Variants in PCDHGA8 observed in about 807,000 individuals in gnomAD.
PCDHGA8 encodes the protein protocadherin gamma-A8.
In PCDHGA8, 45 loss-of-function variants were observed where a neutral mutation model predicts 59.2. The ratio of observed to expected loss-of-function variants is 0.76; its 90% confidence interval spans 0.60 to 0.98. The LOEUF is 0.98. Among genes scored for constraint, PCDHGA8 ranks in the 50% least tolerant of loss-of-function variants. The probability of loss-of-function intolerance (pLI) is 0.00; values close to 1 mark genes in which losing one functional copy is unlikely to be tolerated. For synonymous variants in PCDHGA8, 531 were observed against 519.0 expected (o/e 1.02, Z -0.32); for missense variants, 1,257 against 1,196.2 (o/e 1.05, Z -0.75).
chr5:141,414,040 C>T, intron 1 of PCDHGA8: 2 of 1,611,438 alleles, frequency 1.2e-6, no homozygotes, highest in Non-Finnish European at 1.7e-6. Context: ...CCGAAAATTA[C>T]CTGACACGCA....
In PCDHGA8 at chr5:141,486,708, C is replaced by A; in HGVS notation, c.2425-8099C>A. On this transcript the variant is annotated intron_variant, in intron 1 of 3. Transcript: ENST00000398604. The surrounding 1 kb of genome is among the most constrained non-coding windows in gnomAD (Gnocchi z 5.0). ...GCTTCCTCTTTCATCTCTCTGAACC[C>A]CCAGACAGGAGCTGTTCATGCTACT... is the stretch of plus-strand genomic sequence containing the variant. 6.2e-7 allele frequency: 1 copy of A among 1,614,180 alleles called. No individual in the cohort carries two copies. Among genetic ancestry groups the A allele is most frequent in the South Asian group, 1.1e-5 (1 of 91,084 alleles).
In PCDHGA8 at chr5:141,432,278, A is replaced by G. The variant is rs923930127; in HGVS notation, c.2424+37041A>G. On this transcript the variant is annotated intron_variant, in intron 1 of 3. Transcript: ENST00000398604. The surrounding 1 kb of genome is among the most constrained non-coding windows in gnomAD (Gnocchi z 6.0). ...GGCAAGCCTATCGTCCTACGTGTCC[A>G]TCAACTCCGACACTGGGGTACTGTA... 3.7e-5 allele frequency: 59 copies of G among 1,614,078 alleles called. No individual in the cohort carries two copies. Among genetic ancestry groups the G allele is most frequent in the Non-Finnish European group, 4.7e-5 (55 of 1,180,036 alleles).
chr5:141,428,305 G>T (rs751498223), intron 1 of PCDHGA8: 8 of 694,348 alleles, frequency 1.2e-5, no homozygotes. Flanking sequence ...GATTTACCTG[G>T]TCGTGGCCTT....
Position 141,489,826 on chromosome 5 carries a change from C to T in PCDHGA8, c.2425-4981C>T, listed in dbSNP as rs1270077118. 1 of 1,614,186 alleles carries T rather than the reference C, an allele frequency of 6.2e-7. No individual in the cohort carries two copies. The highest frequency in any genetic ancestry group is 1.7e-5 in the Admixed American group (1 of 60,028). On this transcript the variant is annotated intron_variant, in intron 1 of 3. Coordinates refer to ENST00000398604, the MANE Select transcript of PCDHGA8 (RefSeq NM_032088.2). The surrounding 1 kb of genome is among the most constrained non-coding windows in gnomAD (Gnocchi z 4.5). ...TGGGAAGCCATTCCCAGAGCTGGTGCTAGAGCAGCAGCTGGATCGTGAAGC... is the reference window on the plus strand; with the variant it reads ...TGGGAAGCCATTCCCAGAGCTGGTGTTAGAGCAGCAGCTGGATCGTGAAGC...
In PCDHGA8 at chr5:141,485,818, C is replaced by T; in HGVS notation, c.2425-8989C>T. 6 of 1,613,912 alleles carry T rather than the reference C, an allele frequency of 3.7e-6. No homozygotes were observed. The highest frequency in any genetic ancestry group is 5.1e-6 in the Non-Finnish European group (6 of 1,179,974). On this transcript the variant is annotated intron_variant, in intron 1 of 3. Transcript: ENST00000398604. This position sits in a 1 kb window ranked among gnomAD's most constrained non-coding sequence, Gnocchi z 5.7. ...ACTACCGCCTGGTGCTGACTGCTGTCGATGGAGGGAACCCGCCGAGATCTG... is the reference window on the plus strand; with the variant it reads ...ACTACCGCCTGGTGCTGACTGCTGTTGATGGAGGGAACCCGCCGAGATCTG...
intron 1 of PCDHGA8, chr5:141,409,714 CG>C: frequency 6.2e-7 from 1 of 1,613,226 alleles, no homozygotes; most frequent in Non-Finnish European, 8.5e-7. Flanking sequence ...TGTCGTCATA[CG>C]TGTCAGTGAG....
At chr5:141,471,942 A>G (rs1163887457) in intron 1 of PCDHGA8, among the ~76,000 whole-genome samples, 1 of 152,192 alleles carries the variant, frequency 6.6e-6, no homozygotes, top group Non-Finnish European at 1.5e-5. Flanking sequence ...AGAGTTTTCT[A>G]AAACTGGATT....
At chr5:141,506,682 C>T (rs1333272766) in intron 3 of PCDHGA8, among the ~76,000 whole-genome samples, 4 of 152,192 alleles carry the variant, frequency 2.6e-5, no homozygotes, top group African/African-American at 9.6e-5. Context: ...ATATTATTAT[C>T]TTTGCTGACC....
rs946434728 is a variant in PCDHGA8, at chr5:141,428,357, C to A, written c.2424+33120C>A. On this transcript the variant is annotated intron_variant, in intron 1 of 3. Coordinates refer to ENST00000398604, the MANE Select transcript of PCDHGA8 (RefSeq NM_032088.2). ...CTCTTCTTCCTCGCAGTGATTTTGG[C>A]GGTCGCCTTGCACCTGCGATGCTCT... is the stretch of plus-strand genomic sequence containing the variant. The A allele has an allele frequency of 1.2e-5, 7 of 565,506 alleles. No individual in the cohort carries two copies. The East Asian group carries it at 2.0e-4, about 16-fold the overall frequency. The allele number at this position is 565,506 out of a possible 1,614,324, so 35.0% of individuals were successfully genotyped here.
intron 1 of PCDHGA8, among the ~76,000 whole-genome samples, chr5:141,458,236 C>T (rs6874378): frequency 0.18 from 27,546 of 152,106 alleles, 2,658 homozygotes; most frequent in Admixed American, 0.28. Flanking sequence ...AGTCCATGCA[C>T]CAAAATGATA....
At position 141,421,672 on chromosome 5, in the gene PCDHGA8, C is replaced by T; in HGVS notation, c.2424+26435C>T. On this transcript the variant is annotated intron_variant, in intron 1 of 3. Coordinates refer to ENST00000398604, the MANE Select transcript of PCDHGA8 (RefSeq NM_032088.2). Reference sequence around the variant, plus strand: ...GATAAAAGTCAGTGAGCACGCAATTCCTGGGGCGCGATTTGCTCTTCCTAA... The same window carrying T: ...GATAAAAGTCAGTGAGCACGCAATTTCTGGGGCGCGATTTGCTCTTCCTAA... 4 of 1,613,862 alleles carry T rather than the reference C, an allele frequency of 2.5e-6. No individual in the cohort carries two copies. The highest frequency in any genetic ancestry group is 1.6e-4 in the Middle Eastern group (1 of 6,062).
At position 141,404,686 on chromosome 5, in the gene PCDHGA8, A is replaced by G. The variant is rs1281158377; in HGVS notation, c.2424+9449A>G. On this transcript the variant is annotated intron_variant, in intron 1 of 3. Transcript: ENST00000398604. ...ATGGTTCTACTGGTGTGGAGCTGGC[A>G]CCCCGCTCTGCAGAGCCTGGCTACC... 4 of 1,613,710 alleles carry G rather than the reference A, an allele frequency of 2.5e-6. No individual in the cohort carries two copies. In the African/African-American group the frequency reaches 5.3e-5, roughly 22 times the overall value.
Position 141,456,055 on chromosome 5 carries a change from G to A in PCDHGA8, c.2425-38752G>A, listed in dbSNP as rs78682041. On this transcript the variant is annotated intron_variant, in intron 1 of 3. Coordinates refer to ENST00000398604, the MANE Select transcript of PCDHGA8 (RefSeq NM_032088.2). Reference sequence around the variant, plus strand: ...TGGGACTACAGGCGCCCACCACCACGTCCGGCTAATTTTTTGTATTTTCAG... The same window carrying A: ...TGGGACTACAGGCGCCCACCACCACATCCGGCTAATTTTTTGTATTTTCAG... Among the ~76,000 whole-genome samples, 302 of 151,836 alleles carry A rather than the reference G, an allele frequency of 2.0e-3. 1 individual carries two copies. The highest frequency in any genetic ancestry group is 0.01 in the Middle Eastern group (3 of 292).
intron 1 of PCDHGA8, chr5:141,427,278 A>G (rs981860450): frequency 2.2e-6 from 1 of 456,706 alleles, no homozygotes; most frequent in Non-Finnish European, 4.4e-6. Context: ...ATGTAAAATT[A>G]TACTAGAAAT....
At chr5:141,451,945 C>T (rs906800803) in intron 1 of PCDHGA8, among the ~76,000 whole-genome samples, 1 of 151,970 alleles carries the variant, frequency 6.6e-6, no homozygotes, top group Non-Finnish European at 1.5e-5. Flanking sequence ...AGGGAAAGAC[C>T]GAGAAAGTGA....
At chr5:141,413,080 A>G (rs2095603656) in intron 1 of PCDHGA8, 3 of 1,298,546 alleles carry the variant, frequency 2.3e-6, no homozygotes, top group Non-Finnish European at 3.2e-6. Context: ...TGCCCAGGCT[A>G]CAGAGACACC....
rs1488586975 is a variant in PCDHGA8 at position 141,393,939 on chromosome 5, T to C, written c.1126T>C (p.Ser376Pro). Residue 376 changes from serine to proline, a missense_variant, in exon 1 of 4, where the codon TCT (serine) becomes CCT (proline). Ser to Pro is a moderately conservative substitution (Grantham distance 74). Coordinates refer to ENST00000398604, the MANE Select transcript of PCDHGA8 (RefSeq NM_032088.2). Reference protein sequence around the residue: ...IAFLSVHDQDSGKNGQVVCYT... With the variant: ...IAFLSVHDQDPGKNGQVVCYT... ...CTTCTTGAGTGTGCATGACCAAGAC[T>C]CTGGAAAGAATGGTCAAGTTGTCTG... The C allele has an allele frequency of 1.2e-6, 2 of 1,613,856 alleles. No individual in the cohort carries two copies. Among genetic ancestry groups the C allele is most frequent in the Non-Finnish European group, 8.5e-7 (1 of 1,179,888 alleles).
rs1330659052 is a variant in PCDHGA8, at chr5:141,490,012, G to T, written c.2425-4795G>T. On this transcript the variant is annotated intron_variant, in intron 1 of 3. Transcript: ENST00000398604. The surrounding 1 kb of genome is among the most constrained non-coding windows in gnomAD (Gnocchi z 5.4). ...GGGAATCCCAGAGAATGCACCCATT[G>T]GTACTCTGCTGCTCCGCCTCAATGC... The T allele has an allele frequency of 1.2e-6, 2 of 1,614,232 alleles. No homozygotes were observed. Among genetic ancestry groups the T allele is most frequent in the East Asian group, 4.5e-5 (2 of 44,888 alleles).
At chr5:141,443,683 A>C (rs1358937790) in intron 1 of PCDHGA8, among the ~76,000 whole-genome samples, 1 of 152,248 alleles carries the variant, frequency 6.6e-6, no homozygotes, top group Admixed American at 6.5e-5. Flanking sequence ...GTTTACAAAC[A>C]CTTCAAAAAT....
Sources: allele counts gnomAD v4.1 joint callset (sites outside exome capture counted in the v4.1 genomes callset), GRCh38; gene constraint gnomAD v4.1.1; non-coding constraint Gnocchi (gnomAD v3.1); transcripts MANE v1.5; gene names NCBI Gene and HGNC (gene_info 2026-07-23, HGNC 2026-07-21).